The following TNKS variants were observed in gnomAD, a reference collection of about 807,000 sequenced individuals.
TNKS encodes tankyrase.
In TNKS, 72 loss-of-function variants were observed where a neutral mutation model predicts 135.8. The ratio of observed to expected loss-of-function variants is 0.53; its 90% CI spans 0.44 to 0.64. The LOEUF (loss-of-function observed/expected upper bound fraction) is 0.64. Among genes scored for constraint, TNKS ranks in the 30% least tolerant of loss-of-function variants. TNKS has a pLI of 0.00. For missense variants in TNKS, 1,769 were observed against 1,674.0 expected, an observed-to-expected ratio of 1.06 and a Z score of -0.99; for synonymous variants, 849 against 649.3, an observed-to-expected ratio of 1.31 and a Z score of -4.68.
intron 5 of TNKS, among the ~76,000 whole-genome samples, chr8:9,692,155 A>T (rs1803303969): frequency 6.6e-6 from 1 of 152,188 alleles, no homozygotes; most frequent in Admixed American, 6.5e-5. Flanking sequence ...TGATCCCATC[A>T]CCAAGGTAGT....
chr8:9,637,348 A>C (rs893129886), intron 3 of TNKS, among the ~76,000 whole-genome samples: 1 of 152,198 alleles, frequency 6.6e-6, no homozygotes, highest in East Asian at 1.9e-4. Flanking sequence ...TCCTTCCTTC[A>C]GGTTCTTTCT....
Position 9,761,908 on chromosome 8 carries a change from C to T in TNKS, c.3274+272C>T, listed in dbSNP as rs549073409. ...CCCATGACTGTCACTTGATCCAAGC[C>T]ACCATTCTCTCTCGTGGACTGTCCC... is the stretch of plus-strand genomic sequence containing the variant. On this transcript the variant is annotated intron_variant, in intron 21 of 26. Coordinates refer to ENST00000310430, the MANE Select transcript of TNKS (RefSeq NM_003747.3). Among the ~76,000 whole-genome samples, 8 of 152,304 alleles carry T rather than the reference C, an allele frequency of 5.3e-5. No homozygotes were observed. The South Asian group carries it at 1.7e-3, about 32-fold the overall frequency.
intron 7 of TNKS, 46 bp from the exon 8 acceptor site, chr8:9,706,765 C>G: frequency 6.6e-7 from 1 of 1,521,770 alleles, no homozygotes; most frequent in Admixed American, 2.2e-5. Flanking sequence ...TTTATTTGAT[C>G]CAGCAAAATG....
At chr8:9,656,198 G>T (rs1801357368) in intron 3 of TNKS, among the ~76,000 whole-genome samples, 1 of 151,652 alleles carries the variant, frequency 6.6e-6, no homozygotes, top group Non-Finnish European at 1.5e-5. Context: ...AGAGAAAAAA[G>T]AAAAGAAACG....
At chr8:9,727,980 A>G (rs1282853080) in intron 13 of TNKS, among the ~76,000 whole-genome samples, 2 of 152,198 alleles carry the variant, frequency 1.3e-5, no homozygotes, top group African/African-American at 4.8e-5. Context: ...AAAATTCTTA[A>G]ATATAAGACG....
chr8:9,557,706 A>AATAT (rs111653209), intron 1 of TNKS: 19 of 151,210 alleles, frequency 1.3e-4, no homozygotes, highest in African/African-American at 4.6e-4. Flanking sequence ...CTATATTTCT[A>AATAT]ATATATATAT....
chr8:9,691,367 C>CATTA (rs1803259306), intron 5 of TNKS, among the ~76,000 whole-genome samples: 1 of 152,124 alleles, frequency 6.6e-6, no homozygotes, highest in East Asian at 1.9e-4. Flanking sequence ...GTCACACTGT[C>CATTA]ATTATTGATA....
chr8:9,587,818 C>T (rs184361491), intron 2 of TNKS, among the ~76,000 whole-genome samples: 166 of 152,248 alleles, frequency 1.1e-3, no homozygotes, highest in African/African-American at 3.8e-3. Context: ...TAATTTGTTA[C>T]GGCAGCAATA....
intron 3 of TNKS, among the ~76,000 whole-genome samples, chr8:9,653,440 A>G (rs1220769854): frequency 6.6e-6 from 1 of 152,020 alleles, no homozygotes; most frequent in Non-Finnish European, 1.5e-5. Flanking sequence ...TCTGGAGACC[A>G]GGAGGTCCAA....
Position 9,605,413 on chromosome 8 carries a change from G to C in TNKS, c.899-10169G>C, listed in dbSNP as rs976385984. On this transcript the variant is annotated intron_variant, in intron 2 of 26. Transcript: ENST00000310430. Reference sequence around the variant, plus strand: ...TGCTTCAGATTTTTTTTCAATGTTTGACTATTATAAATAAACATATGATCA... The same window carrying C: ...TGCTTCAGATTTTTTTTCAATGTTTCACTATTATAAATAAACATATGATCA... Among the ~76,000 whole-genome samples, 10 of 151,944 alleles carry C rather than the reference G, an allele frequency of 6.6e-5. 1 individual carries two copies. The highest frequency in any genetic ancestry group is 2.4e-4 in the African/African-American group (10 of 41,482).
chr8:9,563,649 G>A (rs1797419325), intron 1 of TNKS, among the ~76,000 whole-genome samples: 2 of 151,878 alleles, frequency 1.3e-5, no homozygotes, highest in South Asian at 4.1e-4. Context: ...CTTTTATTTT[G>A]AATTATTTTC....
chr8:9,604,394 A>T (rs1799139485), intron 2 of TNKS, among the ~76,000 whole-genome samples: 1 of 152,162 alleles, frequency 6.6e-6, no homozygotes, highest in Non-Finnish European at 1.5e-5. Context: ...GAATAGGAAT[A>T]TGGGGTTTTT....
At chr8:9,680,643 ACT>A in intron 4 of TNKS, 80 bp from the exon 5 acceptor site, 1 of 902,160 alleles carries the variant, frequency 1.1e-6, no homozygotes. Flanking sequence ...CCCATATTTT[ACT>A]CTCGTGTGAA....
chr8:9,695,421 CATGAA>C (rs1325849872), intron 5 of TNKS, among the ~76,000 whole-genome samples: 1 of 151,860 alleles, frequency 6.6e-6, no homozygotes, highest in Non-Finnish European at 1.5e-5. Flanking sequence ...ATTTGAGTTG[CATGAA>C]GTGGAGTGGA....
At chr8:9,664,404 T>C (rs890949556) in intron 3 of TNKS, among the ~76,000 whole-genome samples, 4 of 152,296 alleles carry the variant, frequency 2.6e-5, no homozygotes, top group East Asian at 3.9e-4. Flanking sequence ...CAAATTAAAT[T>C]ATTCATGAGG....
At chr8:9,649,186 A>G (rs901197922) in intron 3 of TNKS, among the ~76,000 whole-genome samples, 2 of 152,226 alleles carry the variant, frequency 1.3e-5, no homozygotes, top group Non-Finnish European at 2.9e-5. Context: ...CCTGAAAGCA[A>G]GGCAGATAGT....
intron 11 of TNKS, among the ~76,000 whole-genome samples, chr8:9,718,381 T>C (rs1206348129): frequency 6.6e-6 from 1 of 152,168 alleles, no homozygotes; most frequent in African/African-American, 2.4e-5. Flanking sequence ...TAGACAATGA[T>C]AGCTTTAAGT....
chr8:9,735,552 G>T, intron 17 of TNKS, 66 bp downstream of exon 17: 1 of 1,304,716 alleles, frequency 7.7e-7, no homozygotes. Context: ...TGTAATCCCA[G>T]CACTTTAGGA....
intron 2 of TNKS, among the ~76,000 whole-genome samples, chr8:9,612,205 CT>C (rs897094060): frequency 3.3e-5 from 5 of 152,032 alleles, no homozygotes; most frequent in African/African-American, 1.2e-4. Context: ...ACTGGGTTTT[CT>C]TTTTTCCCCA....
Sources: allele counts gnomAD v4.1 joint callset (sites outside exome capture counted in the v4.1 genomes callset), GRCh38; gene constraint gnomAD v4.1.1; transcripts MANE v1.5; gene names NCBI Gene and HGNC (gene_info 2026-07-23, HGNC 2026-07-21).